The following SWAP70 variants were observed in gnomAD, a reference collection of about 807,000 sequenced individuals.
SWAP70 encodes switching B cell complex subunit SWAP70.
SWAP70 carries 34 observed loss-of-function variants against 80.2 expected under a neutral mutation model. The ratio of observed to expected loss-of-function variants is 0.42; its 90% CI spans 0.32 to 0.56. The LOEUF is 0.56. SWAP70 is among the 20% of genes least tolerant of loss of function. The pLI, the probability that SWAP70 is intolerant of heterozygous loss-of-function variation, is 0.09. For missense variants in SWAP70, 578 were observed against 690.7 expected (o/e 0.84, Z 1.83); for synonymous variants, 239 against 238.5 (o/e 1.00, Z -0.02).
At chr11:9,711,739 A>G (rs1470791374) in intron 2 of SWAP70, among the ~76,000 whole-genome samples, 1 of 152,058 alleles carries the variant, frequency 6.6e-6, no homozygotes, top group Non-Finnish European at 1.5e-5. Flanking sequence ...TGCCTGCTCT[A>G]CCTTGATACC....
At chr11:9,702,767 A>C (rs981502684) in intron 2 of SWAP70, among the ~76,000 whole-genome samples, 3 of 152,156 alleles carry the variant, frequency 2.0e-5, no homozygotes, top group African/African-American at 7.2e-5. Flanking sequence ...GTTGGACTCT[A>C]CATTTTCATT....
At chr11:9,742,681 T>G (rs539651532) in intron 9 of SWAP70, among the ~76,000 whole-genome samples, 1 of 152,248 alleles carries the variant, frequency 6.6e-6, no homozygotes, top group Non-Finnish European at 1.5e-5. Flanking sequence ...CTGAAGTCAC[T>G]GAAGGCTGTG....
chr11:9,675,432 G>T (rs563362112), intron 1 of SWAP70, among the ~76,000 whole-genome samples: 1 of 129,136 alleles, frequency 7.7e-6, no homozygotes, highest in Non-Finnish European at 1.6e-5. Context: ...GAGGGAGGAG[G>T]GAGGGACAGA....
chr11:9,671,131 TTATAAA>T (rs888374657), intron 1 of SWAP70, among the ~76,000 whole-genome samples: 2 of 131,978 alleles, frequency 1.5e-5, no homozygotes, highest in African/African-American at 6.0e-5. Flanking sequence ...ATAAATATAT[TTATAAA>T]TATAAATATA....
intron 1 of SWAP70, among the ~76,000 whole-genome samples, chr11:9,666,314 G>C (rs905824177): frequency 6.6e-6 from 1 of 152,046 alleles, no homozygotes; most frequent in Non-Finnish European, 1.5e-5. Context: ...TTGAACTCCT[G>C]AGCTCAGGTG....
intron 3 of SWAP70, chr11:9,719,952 G>T: frequency 2.9e-6 from 1 of 342,798 alleles, no homozygotes; most frequent in Non-Finnish European, 4.1e-6. Context: ...AATAAATTTT[G>T]GAACTGAAGG....
chr11:9,731,594 T>C (rs183491005), intron 6 of SWAP70, among the ~76,000 whole-genome samples: 93 of 152,324 alleles, frequency 6.1e-4, no homozygotes, highest in Middle Eastern at 3.4e-3. Context: ...ATAGTACTTT[T>C]GGTGTGCCAT....
intron 2 of SWAP70, among the ~76,000 whole-genome samples, chr11:9,704,118 G>GGAA (rs1850868675): frequency 1.3e-5 from 2 of 152,022 alleles, no homozygotes; most frequent in African/African-American, 4.8e-5. Context: ...CCAAATTCTG[G>GGAA]ATTTCTGAGA....
At chr11:9,735,982 T>A (rs1424863579) in intron 7 of SWAP70, among the ~76,000 whole-genome samples, 1 of 152,192 alleles carries the variant, frequency 6.6e-6, no homozygotes, top group Non-Finnish European at 1.5e-5. Context: ...TCTGATACTT[T>A]CGTTATGCAA....
intron 1 of SWAP70, among the ~76,000 whole-genome samples, chr11:9,675,344 AGC>A (rs1565111647): frequency 1.8e-5 from 1 of 56,270 alleles, no homozygotes; most frequent in East Asian, 7.9e-4. Context: ...AGAGAGAGGG[AGC>A]GAGAGAGAGA....
chr11:9,696,846 C>T (rs1251178900), intron 2 of SWAP70, among the ~76,000 whole-genome samples: 1 of 151,746 alleles, frequency 6.6e-6, no homozygotes, highest in African/African-American at 2.4e-5. Flanking sequence ...TTGCTTAGAC[C>T]GTTCTCCATA....
At chr11:9,707,557 C>CTTT (rs34901698) in intron 2 of SWAP70, among the ~76,000 whole-genome samples, 24 of 64,804 alleles carry the variant, frequency 3.7e-4, no homozygotes, top group African/African-American at 1.3e-3. Flanking sequence ...TTTTTCTTTT[C>CTTT]TTTTTTTTTT....
intron 2 of SWAP70, among the ~76,000 whole-genome samples, chr11:9,707,462 T>G (rs1336188351): frequency 6.6e-6 from 1 of 152,158 alleles, no homozygotes; most frequent in African/African-American, 2.4e-5. Context: ...GTCCTCAGGG[T>G]TCTTCCCTAT....
intron 1 of SWAP70, among the ~76,000 whole-genome samples, chr11:9,684,183 G>C (rs1308125292): frequency 6.6e-6 from 1 of 152,126 alleles, no homozygotes; most frequent in Non-Finnish European, 1.5e-5. Context: ...CTAGGCTCAA[G>C]TGGTCCTCCC....
At chr11:9,686,372 T>TTTATTTATTTAC (rs1350290349) in intron 1 of SWAP70, among the ~76,000 whole-genome samples, 15 of 151,566 alleles carry the variant, frequency 9.9e-5, no homozygotes, top group African/African-American at 3.6e-4. Context: ...TATTTATTTA[T>TTTATTTATTTAC]TTTTGTGAGA....
intron 6 of SWAP70, 77 bp from the exon 7 acceptor site, chr11:9,732,452 T>G: frequency 1.4e-6 from 2 of 1,399,716 alleles, no homozygotes; most frequent in Non-Finnish European, 2.0e-6. Context: ...TTCTTCCCAC[T>G]GTGCCATTTG....
In SWAP70 at chr11:9,664,121, C is replaced by A; in HGVS notation, c.-59C>A. ...TGTGGCTGCGGAGGTTGAGGGGCGT[C>A]CGAGGCGCGGAGGGGCTGGCTGGGC... On this transcript the variant is annotated 5_prime_UTR_variant, in exon 1 of 12. Transcript: ENST00000318950. 1 of 1,495,916 alleles carries A rather than the reference C, an allele frequency of 6.7e-7. No homozygotes were observed. The highest frequency in any genetic ancestry group is 9.0e-7 in the Non-Finnish European group (1 of 1,115,546). The allele number at this position is 1,495,916 out of a possible 1,614,324, so 92.7% of individuals were successfully genotyped here. A position where few individuals can be genotyped will look rare whatever the true frequency, so the allele number is the denominator to read the frequency against.
At chr11:9,669,907 C>A (rs1024120277) in intron 1 of SWAP70, among the ~76,000 whole-genome samples, 11 of 152,076 alleles carry the variant, frequency 7.2e-5, no homozygotes, top group Admixed American at 6.6e-4. Context: ...GTGAGTGGAT[C>A]ATCTGAGGTC....
Position 9,750,044 on chromosome 11 carries a change from A to G in SWAP70, c.*74A>G. On this transcript the variant is annotated 3_prime_UTR_variant, in exon 12 of 12. Transcript: ENST00000318950. ...AGAGCTTTACGCTAAAGACAAAAGA[A>G]ACAGCTTTGGGGGCCGGGCGTGGTG... 1.8e-6 allele frequency: 2 copies of G among 1,132,160 alleles called. No individual in the cohort carries two copies. The highest frequency in any genetic ancestry group is 4.9e-5 in the East Asian group (2 of 41,160). The allele number at this position is 1,132,160 out of a possible 1,614,324, so 70.1% of individuals were successfully genotyped here.
Sources: allele counts gnomAD v4.1 joint callset (sites outside exome capture counted in the v4.1 genomes callset), GRCh38; gene constraint gnomAD v4.1.1; transcripts MANE v1.5; gene names NCBI Gene and HGNC (gene_info 2026-07-23, HGNC 2026-07-21).